Variants in RABGAP1L observed in about 807,000 individuals in gnomAD.
RABGAP1L encodes rab GTPase-activating protein 1-like.
RABGAP1L carries 63 observed loss-of-function variants against 137.7 expected under a neutral mutation model. The observed-to-expected ratio is 0.46, with a 90% CI of 0.37 to 0.56. The LOEUF is 0.56. Ranked by LOEUF, RABGAP1L falls within the 20% of genes least tolerant of loss-of-function variation. RABGAP1L has a pLI of 0.00. For missense variants in RABGAP1L, 1,095 were observed against 1,244.0 expected, an observed-to-expected ratio of 0.88 and a Z score of 1.80; for synonymous variants, 431 against 433.7, an observed-to-expected ratio of 0.99 and a Z score of 0.08.
chr1:174,873,080 T>A (rs1272457068), intron 19 of RABGAP1L, among the ~76,000 whole-genome samples: 1 of 152,086 alleles, frequency 6.6e-6, no homozygotes, highest in East Asian at 1.9e-4. Flanking sequence ...CCTTTTTTTA[T>A]TTCTTTGAGA....
intron 13 of RABGAP1L, among the ~76,000 whole-genome samples, chr1:174,548,719 A>G (rs1666215069): frequency 6.6e-6 from 1 of 152,158 alleles, no homozygotes; most frequent in Non-Finnish European, 1.5e-5. Flanking sequence ...GAAACTTCAG[A>G]TTCTATATCC....
At chr1:174,944,605 C>G (rs1666440876) in intron 19 of RABGAP1L, among the ~76,000 whole-genome samples, 1 of 150,164 alleles carries the variant, frequency 6.7e-6, no homozygotes, top group Non-Finnish European at 1.5e-5. Context: ...CCACTGCACT[C>G]CAGCCTGAGC....
intron 19 of RABGAP1L, chr1:174,892,723 G>GTTTCCTTTTTTTTTTTTTTTTTTTTTTT (rs1558198469): frequency 2.5e-6 from 1 of 407,362 alleles, no homozygotes; most frequent in African/African-American, 2.6e-5. Context: ...TCATTTCTTT[G>GTTTCCTTTTTTTTTTTTTTTTTTTTTTT]TTTTCTTTCT....
chr1:174,691,370 A>C (rs961324622), intron 15 of RABGAP1L, among the ~76,000 whole-genome samples: 1 of 152,184 alleles, frequency 6.6e-6, no homozygotes, highest in Non-Finnish European at 1.5e-5. Context: ...TTTGTTTTAT[A>C]GTTTCTTGTG....
At chr1:174,601,563 T>C (rs1670416492) in intron 13 of RABGAP1L, among the ~76,000 whole-genome samples, 1 of 151,998 alleles carries the variant, frequency 6.6e-6, no homozygotes. Flanking sequence ...AGTTAATGGG[T>C]GCAGCAAACC....
intron 8 of RABGAP1L, among the ~76,000 whole-genome samples, chr1:174,274,181 A>C (rs567645923): frequency 3.6e-4 from 55 of 152,264 alleles, no homozygotes; most frequent in African/African-American, 1.3e-3. Context: ...ACAAGATATT[A>C]ATACTTTTAC....
chr1:174,482,274 G>A (rs190321687), intron 13 of RABGAP1L, among the ~76,000 whole-genome samples: 2 of 152,308 alleles, frequency 1.3e-5, no homozygotes, highest in South Asian at 2.1e-4. Context: ...TCAGACTTAC[G>A]ACTTACCAAA....
intron 7 of RABGAP1L, among the ~76,000 whole-genome samples, chr1:174,266,726 G>A (rs758626734): frequency 6.6e-6 from 1 of 152,162 alleles, no homozygotes; most frequent in Non-Finnish European, 1.5e-5. Context: ...AAAGTATGTG[G>A]TTGTGTTGCC....
chr1:174,195,785 T>TTTTCTTTCTTTCTTTC (rs201234883), intron 1 of RABGAP1L, among the ~76,000 whole-genome samples: 94 of 112,848 alleles, frequency 8.3e-4, no homozygotes, highest in African/African-American at 2.3e-3. Context: ...CCTTTCTTTC[T>TTTTCTTTCTTTCTTTC]TTTCTTTCTT....
At chr1:174,937,229 TC>T (rs1664980157) in intron 19 of RABGAP1L, among the ~76,000 whole-genome samples, 1 of 151,774 alleles carries the variant, frequency 6.6e-6, no homozygotes, top group Non-Finnish European at 1.5e-5. Context: ...TCTACCCGCT[TC>T]GGCCTCCCAA....
At chr1:174,946,912 A>AT (rs1666868228) in intron 19 of RABGAP1L, among the ~76,000 whole-genome samples, 1 of 50,416 alleles carries the variant, frequency 2.0e-5, no homozygotes, top group East Asian at 4.5e-4. Context: ...AAAAAAAAAA[A>AT]AAAAAATATA....
intron 10 of RABGAP1L, among the ~76,000 whole-genome samples, chr1:174,280,267 A>G (rs1054230465): frequency 6.6e-6 from 1 of 152,158 alleles, no homozygotes; most frequent in African/African-American, 2.4e-5. Context: ...GGTCTACACT[A>G]TACAACATTG....
chr1:174,950,701 T>A (rs1478686262), intron 19 of RABGAP1L, among the ~76,000 whole-genome samples: 3 of 152,200 alleles, frequency 2.0e-5, no homozygotes, highest in Admixed American at 2.0e-4. Context: ...GTCCATTGAT[T>A]AATATATTAA....
At chr1:174,545,921 A>G (rs1665970034) in intron 13 of RABGAP1L, 1 of 152,120 alleles carries the variant, frequency 6.6e-6, no homozygotes, top group Non-Finnish European at 1.5e-5. Context: ...ATGTTCTGTT[A>G]TTTCTCTTTT....
intron 17 of RABGAP1L, among the ~76,000 whole-genome samples, chr1:174,721,581 T>C (rs1681542403): frequency 6.6e-6 from 1 of 152,238 alleles, no homozygotes; most frequent in Non-Finnish European, 1.5e-5. Flanking sequence ...CAGATTGGTT[T>C]CACAGCAGTG....
At chr1:174,770,517 A>G (rs774034408) in intron 18 of RABGAP1L, among the ~76,000 whole-genome samples, 14 of 152,328 alleles carry the variant, frequency 9.2e-5, no homozygotes, top group Non-Finnish European at 1.9e-4. Flanking sequence ...AGACAGTTGA[A>G]TAAACACACC....
intron 19 of RABGAP1L, among the ~76,000 whole-genome samples, chr1:174,877,088 T>G (rs964805488): frequency 2.0e-5 from 3 of 152,162 alleles, no homozygotes; most frequent in African/African-American, 7.2e-5. Flanking sequence ...TTATGAAAAT[T>G]TTTAATTACC....
Position 174,767,801 on chromosome 1 carries a change from CA to C in RABGAP1L, c.2211+15455del, listed in dbSNP as rs1284989755. ...GACATACCCGAGACTGGGCAATTTA[CA>C]AAAAAAAGGGGTTTATTGGACTTAC... On this transcript the variant is annotated intron_variant, in intron 18 of 25. Coordinates refer to ENST00000681986, the MANE Select transcript of RABGAP1L (RefSeq NM_001366446.1). Among the ~76,000 whole-genome samples the C allele has an allele frequency of 2.0e-5, 3 of 151,178 alleles. No individual in the cohort carries two copies. The South Asian group carries it at 6.3e-4, about 32-fold the overall frequency.
rs1399717097 is a variant in RABGAP1L at position 174,962,016 on chromosome 1, T to C, written c.2433+4467T>C. The stretch of plus-strand genomic sequence containing the variant: ...ACTAAAAAATAAATAAATAAAAATA[T>C]AAAAAAAAATTAGCCAGGCGTGGTG... On this transcript the variant is annotated intron_variant, in intron 20 of 25. Transcript: ENST00000681986. Among the ~76,000 whole-genome samples the C allele has an allele frequency of 2.7e-5, 4 of 146,140 alleles. No homozygotes were observed. The East Asian group carries it at 8.1e-4, about 30-fold the overall frequency.
Sources: gnomAD v4.1 joint callset for allele counts (sites outside exome capture counted in the v4.1 genomes callset) on GRCh38, gnomAD v4.1.1 for gene constraint, MANE v1.5 for transcripts, NCBI Gene and HGNC (gene_info 2026-07-23, HGNC 2026-07-21) for gene names.